GSTCD: variants seen among roughly 807,000 people sequenced by gnomAD.
GSTCD encodes the protein glutathione S-transferase C-terminal domain-containing protein.
GSTCD carries 44 observed loss-of-function variants against 68.3 expected under a neutral mutation model. The ratio of observed to expected loss-of-function variants is 0.64; its 90% confidence interval spans 0.51 to 0.83. The LOEUF is 0.83. Ranked by LOEUF, GSTCD falls within the 40% of genes least tolerant of loss-of-function variation. GSTCD has a pLI of 0.00. For synonymous variants in GSTCD, 273 were observed against 255.2 expected (o/e 1.07, Z -0.67); for missense variants, 739 against 735.9 (o/e 1.00, Z -0.05).
At chr4:105,734,945 C>T (rs1733403891) in intron 5 of GSTCD, among the ~76,000 whole-genome samples, 1 of 152,214 alleles carries the variant, frequency 6.6e-6, no homozygotes, top group African/African-American at 2.4e-5. Context: ...TGGAGGTCCA[C>T]TCCAGATCCT....
intron 1 of GSTCD, chr4:105,710,992 G>GA (rs1732518122): frequency 6.6e-6 from 1 of 152,046 alleles, no homozygotes; most frequent in African/African-American, 2.4e-5. Context: ...TAATGAGCTT[G>GA]AAAAAATCTC....
rs1049898210 is a variant in GSTCD, at chr4:105,717,967, A to C, written c.354A>C (p.Glu118Asp). The C allele has an allele frequency of 5.0e-6, 8 of 1,614,056 alleles. No individual in the cohort carries two copies. The highest frequency in any genetic ancestry group is 3.3e-4 in the Middle Eastern group (2 of 6,062). Residue 118 changes from glutamate to aspartate, a missense_variant, in exon 2 of 12, where the codon GAA becomes GAC. Transcript: ENST00000515279. ...VLRHIIQKSY[E>D]ADPLKKELLE... is the part of the protein sequence containing the mutation. ...GACACATAATCCAGAAATCCTATGA[A>C]GCAGACCCCTTAAAGAAGGAACTTT...
chr4:105,757,108 T>G (rs935260044), intron 5 of GSTCD, among the ~76,000 whole-genome samples: 16 of 152,266 alleles, frequency 1.1e-4, no homozygotes, highest in Non-Finnish European at 1.9e-4. Flanking sequence ...CATAACTTAT[T>G]TCAGTTCGTA....
rs746791711 is a variant in GSTCD at position 105,717,598 on chromosome 4, C to G, written c.-16C>G. The G allele has an allele frequency of 6.6e-7, 1 of 1,520,506 alleles. No homozygotes were observed. The highest frequency in any genetic ancestry group is 8.8e-7 in the Non-Finnish European group (1 of 1,133,768). The allele number at this position is 1,520,506 out of a possible 1,614,324, so 94.2% of individuals were successfully genotyped here. A position where few individuals can be genotyped will look rare whatever the true frequency, so the allele number is the denominator to read the frequency against. On this transcript the variant is annotated 5_prime_UTR_variant, in exon 2 of 12. Coordinates refer to ENST00000515279, the MANE Select transcript of GSTCD (RefSeq NM_001370181.1). ...CACTTCAATTTATACTTTAGGTGAC[C>G]CAATGAAAGAAGAAAATGAAAGCCA... is the stretch of plus-strand genomic sequence containing the variant.
At chr4:105,816,393 A>G (rs1313029868) in intron 5 of GSTCD, among the ~76,000 whole-genome samples, 1 of 152,096 alleles carries the variant, frequency 6.6e-6, no homozygotes, top group Non-Finnish European at 1.5e-5. Flanking sequence ...TACAGTCCCA[A>G]GGTGGGGAAA....
intron 5 of GSTCD, among the ~76,000 whole-genome samples, chr4:105,743,902 G>A (rs187979564): frequency 9.0e-4 from 136 of 151,898 alleles, no homozygotes; most frequent in African/African-American, 3.0e-3. Context: ...CCTCGTGATC[G>A]CCCGCCTTGG....
intron 5 of GSTCD, among the ~76,000 whole-genome samples, chr4:105,733,567 G>T (rs1239607270): frequency 6.6e-6 from 1 of 151,998 alleles, no homozygotes; most frequent in Non-Finnish European, 1.5e-5. Context: ...CCTTTATTTT[G>T]AGCCTATGTG....
chr4:105,839,964 C>A (rs1724273292), intron 10 of GSTCD, among the ~76,000 whole-genome samples: 1 of 152,162 alleles, frequency 6.6e-6, no homozygotes, highest in Non-Finnish European at 1.5e-5. Context: ...CCAACACCCC[C>A]AAAAGCTGCT....
intron 5 of GSTCD, among the ~76,000 whole-genome samples, chr4:105,738,462 A>G (rs1209650839): frequency 1.3e-5 from 2 of 152,184 alleles, no homozygotes; most frequent in Non-Finnish European, 2.9e-5. Context: ...CACTGAATCT[A>G]TAGATCACTT....
At chr4:105,747,353 C>A (rs1265501971) in intron 5 of GSTCD, among the ~76,000 whole-genome samples, 1 of 152,212 alleles carries the variant, frequency 6.6e-6, no homozygotes, top group African/African-American at 2.4e-5. Context: ...CTTGTTAAAT[C>A]AGATTGCAGG....
Position 105,769,316 on chromosome 4 carries a change from C to T in GSTCD, c.1240+39817C>T, listed in dbSNP as rs188183423. Among the ~76,000 whole-genome samples the T allele has an allele frequency of 9.2e-5, 14 of 151,712 alleles. No homozygotes were observed. The East Asian group carries it at 1.6e-3, about 17-fold the overall frequency. On this transcript the variant is annotated intron_variant, in intron 5 of 11. Coordinates refer to ENST00000515279, the MANE Select transcript of GSTCD (RefSeq NM_001370181.1). ...CCAAGAGGATAAAGCCATCATAAGGCTAGGTCTGCAGAGGGGCAGTCTTCA... is the reference window on the plus strand; with the variant it reads ...CCAAGAGGATAAAGCCATCATAAGGTTAGGTCTGCAGAGGGGCAGTCTTCA...
At chr4:105,719,675 G>A in intron 3 of GSTCD, 148 bp downstream of exon 3, 1 of 631,152 alleles carries the variant, frequency 1.6e-6, no homozygotes, top group Non-Finnish European at 2.8e-6. Flanking sequence ...GTAAAATGGT[G>A]ATAATAATAG....
intron 4 of GSTCD, among the ~76,000 whole-genome samples, chr4:105,728,519 T>A (rs1485627886): frequency 1.3e-5 from 2 of 152,144 alleles, no homozygotes; most frequent in Non-Finnish European, 2.9e-5. Context: ...AGATTATTTG[T>A]ACTATTTCCT....
At chr4:105,824,190 T>C (rs569357683) in intron 7 of GSTCD, among the ~76,000 whole-genome samples, 1 of 152,252 alleles carries the variant, frequency 6.6e-6, no homozygotes, top group Non-Finnish European at 1.5e-5. Flanking sequence ...TGTAACAGAA[T>C]GATGACGAGG....
At chr4:105,770,811 T>G (rs1193525217) in intron 5 of GSTCD, among the ~76,000 whole-genome samples, 1 of 152,200 alleles carries the variant, frequency 6.6e-6, no homozygotes, top group Non-Finnish European at 1.5e-5. Flanking sequence ...TGTGGTATTG[T>G]GAACAGTGCT....
intron 5 of GSTCD, among the ~76,000 whole-genome samples, chr4:105,733,231 C>CCTGGCTATCCTTGTGAA (rs1733320284): frequency 6.6e-6 from 1 of 152,134 alleles, no homozygotes; most frequent in Admixed American, 6.5e-5. Context: ...GAGTTCAATT[C>CCTGGCTATCCTTGTGAA]CTGGCTATCC....
chr4:105,787,928 A>G, intron 5 of GSTCD, among the ~76,000 whole-genome samples: 1 of 152,112 alleles, frequency 6.6e-6, no homozygotes, highest in East Asian at 1.9e-4. Context: ...ACCTTCACAT[A>G]CATTTACTGA....
At chr4:105,757,443 C>G (rs565875303) in intron 5 of GSTCD, among the ~76,000 whole-genome samples, 2 of 152,206 alleles carry the variant, frequency 1.3e-5, no homozygotes, top group East Asian at 1.9e-4. Context: ...GTTGAATGTT[C>G]CTGTGGGTGG....
chr4:105,756,823 C>T (rs1204414010), intron 5 of GSTCD, among the ~76,000 whole-genome samples: 5 of 152,002 alleles, frequency 3.3e-5, no homozygotes, highest in Non-Finnish European at 4.4e-5. Flanking sequence ...TGAGGTACCT[C>T]GTGAGAGTAA....
Sources: gnomAD v4.1 joint callset for allele counts (sites outside exome capture counted in the v4.1 genomes callset) on GRCh38, gnomAD v4.1.1 for gene constraint, MANE v1.5 for transcripts, NCBI Gene and HGNC (gene_info 2026-07-23, HGNC 2026-07-21) for gene names.